The following SP6 variants were observed in gnomAD, a reference collection of about 807,000 sequenced individuals.
SP6 encodes transcription factor Sp6.
A neutral mutation model predicts 23.4 loss-of-function variants in SP6; 10 were observed. That is an observed-to-expected ratio of 0.43 (90% CI 0.26 to 0.72). The LOEUF (loss-of-function observed/expected upper bound fraction) is 0.72. Among genes scored for constraint, SP6 ranks in the 30% least tolerant of loss-of-function variants. SP6 has a pLI of 0.23. For synonymous variants in SP6, 238 were observed against 238.7 expected (o/e 1.00, Z 0.03); for missense variants, 482 against 523.8 (o/e 0.92, Z 0.78).
At position 47,848,004 on chromosome 17, in the gene SP6, A is replaced by C. The variant is rs767685977; in HGVS notation, c.426T>G (p.Pro142=). 8.7e-6 allele frequency: 14 copies of C among 1,604,468 alleles called. No homozygotes were observed. The South Asian group carries it at 1.6e-4, about 18-fold the overall frequency. ...LPHTQGALTS[P]GHPGALQAGL... ...CCGCCTGAAGCGCCCCCGGGTGGCC[A>C]GGTGAGGTCAGCGCGCCCTGAGTGT... Residue 142 remains proline, a synonymous_variant, in exon 2 of 2, where the codon CCT becomes CCG. Coordinates refer to ENST00000536300, the MANE Select transcript of SP6 (RefSeq NM_001258248.2). This position sits in a 1 kb window ranked among gnomAD's most constrained non-coding sequence, Gnocchi z 5.3.
chr17:47,862,968 A>T, the SP6 span, among the ~76,000 whole-genome samples: 1 of 152,266 alleles, frequency 6.6e-6, no homozygotes, highest in Non-Finnish European at 1.5e-5. Flanking sequence ...GAGATAATAT[A>T]AAGATAAACA....
At chr17:47,866,391 C>G in the SP6 span, among the ~76,000 whole-genome samples, 1 of 152,110 alleles carries the variant, frequency 6.6e-6, no homozygotes, top group East Asian at 1.9e-4. Flanking sequence ...CACGGACTGC[C>G]TGGAGACAAG....
At chr17:47,852,766 T>C (rs887702689), upstream of SP6, among the ~76,000 whole-genome samples, 1 of 152,136 alleles carries the variant, frequency 6.6e-6, no homozygotes, top group African/African-American at 2.4e-5. Context: ...CGACGTCGGA[T>C]TCATCTGTGC....
chr17:47,875,881 G>T, the SP6 span, among the ~76,000 whole-genome samples: 1 of 152,034 alleles, frequency 6.6e-6, no homozygotes, highest in South Asian at 2.1e-4. Context: ...CCCCTTCCCT[G>T]GGTCCTGACA....
upstream of SP6, among the ~76,000 whole-genome samples, chr17:47,857,040 G>A (rs1185119984): frequency 6.6e-6 from 1 of 152,094 alleles, no homozygotes; most frequent in African/African-American, 2.4e-5. Context: ...CTGAGGCCCT[G>A]AAGAGGTAAA....
upstream of SP6, among the ~76,000 whole-genome samples, chr17:47,851,886 T>TC (rs2033960738): frequency 6.6e-6 from 1 of 150,542 alleles, no homozygotes; most frequent in Non-Finnish European, 1.5e-5. Context: ...GGTCTCTGCT[T>TC]CCCCCCTACT....
the SP6 span, among the ~76,000 whole-genome samples, chr17:47,870,295 C>T: frequency 6.6e-6 from 1 of 152,206 alleles, no homozygotes; most frequent in Non-Finnish European, 1.5e-5. Flanking sequence ...GGGTCCTACC[C>T]TCTCCACCTC....
At chr17:47,860,236 G>T (rs1477663257), upstream of SP6, among the ~76,000 whole-genome samples, 1 of 152,164 alleles carries the variant, frequency 6.6e-6, no homozygotes, top group Non-Finnish European at 1.5e-5. Context: ...TCTGCCTGAT[G>T]AGCTCCTATG....
upstream of SP6, among the ~76,000 whole-genome samples, chr17:47,854,169 C>T (rs922342126): frequency 6.6e-6 from 1 of 152,152 alleles, no homozygotes; most frequent in East Asian, 1.9e-4. Context: ...TTCCTGCCAC[C>T]CCTCTTCTTC....
the SP6 span, among the ~76,000 whole-genome samples, chr17:47,866,451 T>C: frequency 6.6e-6 from 1 of 152,112 alleles, no homozygotes. Context: ...GGGAAGGGGC[T>C]GGGAGCCAGG....
At position 47,847,471 on chromosome 17, in the gene SP6, C is replaced by T; in HGVS notation, c.959G>A (p.Ser320Asn). 6.2e-7 allele frequency: 1 copy of T among 1,613,744 alleles called. No individual in the cohort carries two copies. ...GTGGTCGCTGCGCATGAAGACGCGG[C>T]TGCAGACTGCACAGGGGAACTTCTT... The part of the protein sequence containing the change: ...GTKKFPCAVC[S>N]RVFMRSDHLA... The change falls in exon 2 of 2, where the codon AGC (serine) becomes AAC (asparagine). Residue 320 changes from serine (S) to asparagine (N), a missense_variant. By Grantham distance (46) the Ser-to-Asn change is conservative (BLOSUM62 1). This residue lies in a region of SP6 where 101 missense variants were observed against 99.3 expected (regional missense o/e 1.02). Coordinates refer to ENST00000536300, the MANE Select transcript of SP6 (RefSeq NM_001258248.2).
upstream of SP6, among the ~76,000 whole-genome samples, chr17:47,859,783 T>C (rs1160234122): frequency 1.3e-5 from 2 of 151,986 alleles, no homozygotes; most frequent in Non-Finnish European, 2.9e-5. Flanking sequence ...ACATGCAGGG[T>C]TGGAGTGAGG....
rs959616015 is a variant in SP6 at position 47,847,840 on chromosome 17, G to C, written c.590C>G (p.Pro197Arg). ...GCTGGAATCCAGCCCTTGAGACTCC[G>C]GGGCGGCTACTTCCAAGGCCTTAGC... ...DGAKALEVAAPESQGLDSSLD... is the reference protein window; with the variant it reads ...DGAKALEVAARESQGLDSSLD... The change falls in exon 2 of 2, where the codon CCG becomes CGG. Residue 197 changes from proline (P) to arginine (R), a missense_variant. Physicochemically the swap from Pro to Arg is moderately radical, Grantham distance 103. This residue lies in a region of SP6 where 330 missense variants were observed against 332.3 expected (regional missense o/e 0.99). Transcript: ENST00000536300. 1.8e-5 allele frequency: 28 copies of C among 1,519,474 alleles called. No homozygotes were observed. The highest frequency in any genetic ancestry group is 2.5e-5 in the Non-Finnish European group (28 of 1,137,230). The allele number at this position is 1,519,474 out of a possible 1,614,324, so 94.1% of individuals were successfully genotyped here.
chr17:47,862,067 G>T, the SP6 span, among the ~76,000 whole-genome samples: 1 of 149,674 alleles, frequency 6.7e-6, no homozygotes, highest in African/African-American at 2.5e-5. Flanking sequence ...AAAAAGCCTG[G>T]CATGGTGGTG....
chr17:47,856,804 T>C (rs1168647763), upstream of SP6, among the ~76,000 whole-genome samples: 2 of 151,876 alleles, frequency 1.3e-5, no homozygotes, highest in Admixed American at 1.3e-4. Context: ...ACAGGAGCAG[T>C]TGTACCCCCT....
At chr17:47,849,326 T>C (rs1677247869) in intron 1 of SP6, among the ~76,000 whole-genome samples, 1 of 152,190 alleles carries the variant, frequency 6.6e-6, no homozygotes, top group Non-Finnish European at 1.5e-5. Flanking sequence ...TGGGAGGGAA[T>C]GGCTTCCCCA....
At chr17:47,857,620 G>T (rs984369610), upstream of SP6, among the ~76,000 whole-genome samples, 1 of 152,100 alleles carries the variant, frequency 6.6e-6, no homozygotes, top group Non-Finnish European at 1.5e-5. Context: ...GGACAGCAAT[G>T]AACACAGCCA....
chr17:47,875,463 C>T, the SP6 span, among the ~76,000 whole-genome samples: 1 of 152,186 alleles, frequency 6.6e-6, no homozygotes, highest in African/African-American at 2.4e-5. Flanking sequence ...ACTCCCGGTG[C>T]CTCCCTCCTC....
the SP6 span, chr17:47,864,964 G>A: frequency 6.6e-6 from 1 of 152,388 alleles, no homozygotes; most frequent in East Asian, 1.9e-4. Context: ...TCCTGGGGCA[G>A]TTGGCATCTG....
Sources: gnomAD v4.1 joint callset for allele counts (sites outside exome capture counted in the v4.1 genomes callset) on GRCh38, gnomAD v4.1.1 for gene constraint, gnomAD v4.1.1 regional missense constraint, Gnocchi (gnomAD v3.1) non-coding constraint, MANE v1.5 for transcripts, NCBI Gene and HGNC (gene_info 2026-07-23, HGNC 2026-07-21) for gene names.